The following SYT4 variants were observed in gnomAD, a reference collection of about 807,000 sequenced individuals.
The protein encoded by SYT4 is synaptotagmin 4.
In SYT4, 7 loss-of-function variants were observed where a neutral mutation model predicts 32.9. The observed-to-expected ratio is 0.21, with a 90% CI of 0.12 to 0.40. The LOEUF (loss-of-function observed/expected upper bound fraction) is 0.40. Among genes scored for constraint, SYT4 ranks in the 10% least tolerant of loss-of-function variants. SYT4 has a pLI of 1.00. For synonymous variants in SYT4, 205 were observed against 186.2 expected, an observed-to-expected ratio of 1.10 and a Z score of -0.82; for missense variants, 480 against 488.0, an observed-to-expected ratio of 0.98 and a Z score of 0.16.
At chr18:43,273,501 A>G in intron 2 of SYT4, 79 bp downstream of exon 2, 1 of 916,184 alleles carries the variant, frequency 1.1e-6, no homozygotes, top group East Asian at 2.6e-5. Flanking sequence ...AGCTTATCAT[A>G]TTAATAAAAA....
Position 43,274,354 on chromosome 18 carries a change from G to A in SYT4, c.75C>T (p.Gly25=), listed in dbSNP as rs200874065. 3.9e-5 allele frequency: 62 copies of A among 1,609,552 alleles called. No individual in the cohort carries two copies. Among genetic ancestry groups the A allele is most frequent in the African/African-American group, 6.7e-5 (5 of 74,746 alleles). ...PTVVGIFSAF[G]LVFTVSLFAW... ...CAAAGAGAGAGACTGTGAAGACCAGGCCAAATGCACTGAAGATCCCCACCA... is the reference window on the plus strand; with the variant it reads ...CAAAGAGAGAGACTGTGAAGACCAGACCAAATGCACTGAAGATCCCCACCA... The change falls in exon 2 of 4, where the codon GGC becomes GGT. Residue 25 remains glycine, a synonymous_variant. Coordinates refer to ENST00000255224, the MANE Select transcript of SYT4 (RefSeq NM_020783.4).
chr18:43,273,261 C>A (rs1024384941), intron 2 of SYT4, among the ~76,000 whole-genome samples: 2 of 151,956 alleles, frequency 1.3e-5, no homozygotes, highest in East Asian at 3.9e-4. Context: ...GAAATATTCA[C>A]CTGTATTTTA....
chr18:43,277,322 T>C lies in SYT4; in HGVS notation c.-41A>G, dbSNP rs778440628. On this transcript the variant is annotated 5_prime_UTR_variant, in exon 1 of 4. Coordinates refer to ENST00000255224, the MANE Select transcript of SYT4 (RefSeq NM_020783.4). The stretch of plus-strand genomic sequence containing the variant: ...CTGTCCGAGGTGCTGAAGGGAAAAC[T>C]GCCTGGCTGGATTCACTTGCCTGGA... 1.9e-6 allele frequency: 3 copies of C among 1,613,452 alleles called. No homozygotes were observed. Among genetic ancestry groups the C allele is most frequent in the Non-Finnish European group, 2.5e-6 (3 of 1,179,474 alleles).
rs1324836634 is a variant in SYT4, at chr18:43,270,078, A to C, written c.*263T>G. 2 of 440,676 alleles carry C rather than the reference A, an allele frequency of 4.5e-6. No individual in the cohort carries two copies. Among genetic ancestry groups the C allele is most frequent in the Non-Finnish European group, 8.1e-6 (2 of 247,594 alleles). 27.3% of individuals were successfully genotyped at this position (440,676 alleles called of 1,614,324 possible). ...TGGCACAGTATTCATAAAATGTCTG[A>C]CTATTCCTAGTTATATCACTGGTAA... On this transcript the variant is annotated 3_prime_UTR_variant, in exon 4 of 4. Transcript: ENST00000255224.
chr18:43,276,013 T>C (rs886349642), intron 1 of SYT4, among the ~76,000 whole-genome samples: 12 of 152,158 alleles, frequency 7.9e-5, no homozygotes, highest in African/African-American at 2.4e-4. Flanking sequence ...TAGAAAATCA[T>C]TTTTTAAAAG....
Position 43,273,943 on chromosome 18 carries a change from T to C in SYT4, c.486A>G (p.Glu162=). 1 of 1,614,024 alleles carries C rather than the reference T, an allele frequency of 6.2e-7. No homozygotes were observed. The highest frequency in any genetic ancestry group is 8.5e-7 in the Non-Finnish European group (1 of 1,179,938). ...EKLGTLFFSL[E]YNFERKAFVV... ...CAAATGCTTTTCTCTCGAAGTTGTA[T>C]TCTAAGGAGAAGAAGAGAGTTCCCA... The change falls in exon 2 of 4, where the codon GAA becomes GAG. Residue 162 remains glutamate, a synonymous_variant. Coordinates refer to ENST00000255224, the MANE Select transcript of SYT4 (RefSeq NM_020783.4).
chr18:43,276,969 T>G (rs1325119189), intron 1 of SYT4, among the ~76,000 whole-genome samples: 1 of 152,294 alleles, frequency 6.6e-6, no homozygotes, highest in East Asian at 1.9e-4. Flanking sequence ...TTTTCTTTAC[T>G]CAGTACATGC....
intron 1 of SYT4, among the ~76,000 whole-genome samples, chr18:43,276,739 G>T (rs923895600): frequency 3.9e-5 from 6 of 152,020 alleles, no homozygotes; most frequent in Admixed American, 6.6e-5. Flanking sequence ...CATATTTCAA[G>T]GATACAAGAA....
chr18:43,271,849 G>A lies in SYT4; in HGVS notation c.850-17C>T, dbSNP rs1158169432. The A allele has an allele frequency of 1.9e-6, 3 of 1,606,802 alleles. No individual in the cohort carries two copies. The highest frequency in any genetic ancestry group is 2.2e-5 in the East Asian group (1 of 44,638). On this transcript the variant is annotated splice_polypyrimidine_tract_variant and intron_variant, in intron 2 of 3. Transcript: ENST00000255224. Reference sequence around the variant, plus strand: ...TGAAGACTTCTGCAGAAAGAGAAATGTGATATAAGTATTTCTATCTTTTTA... The same window carrying A: ...TGAAGACTTCTGCAGAAAGAGAAATATGATATAAGTATTTCTATCTTTTTA...
chr18:43,270,280 A>G lies in SYT4; in HGVS notation c.*61T>C, dbSNP rs986650041. ...TCCCAAGCTTGCAATCCAATATAGA[A>G]AGAAAGAAAATTTCTCCTTGCCTAG... is the stretch of plus-strand genomic sequence containing the variant. On this transcript the variant is annotated 3_prime_UTR_variant, in exon 4 of 4. Transcript: ENST00000255224. 1 of 1,548,258 alleles carries G rather than the reference A, an allele frequency of 6.5e-7. No homozygotes were observed. The highest frequency in any genetic ancestry group is 8.7e-7 in the Non-Finnish European group (1 of 1,143,796).
At chr18:43,275,213 C>T (rs2144369287) in intron 1 of SYT4, among the ~76,000 whole-genome samples, 1 of 152,186 alleles carries the variant, frequency 6.6e-6, no homozygotes, top group South Asian at 2.1e-4. Flanking sequence ...ACTGTCTCTT[C>T]CTCTAGCACA....
chr18:43,275,666 G>A (rs578092561), intron 1 of SYT4, among the ~76,000 whole-genome samples: 65 of 152,072 alleles, frequency 4.3e-4, no homozygotes, highest in Middle Eastern at 6.8e-3. Flanking sequence ...AGAATGTAAG[G>A]TTAAGAAAAG....
rs112251857 is a variant in SYT4, at chr18:43,273,746, A to G, written c.683T>C (p.Ile228Thr). ...CAATTCTTGGATTTGGGTGTAGGGT[A>G]TCCCATAGAATGTAAAGGTCTCATC... The part of the protein sequence containing the change: ...AFDETFTFYG[I>T]PYTQIQELAL... The change falls in exon 2 of 4, where the codon ATA becomes ACA. Residue 228 changes from isoleucine (I) to threonine (T), a missense_variant. Transcript: ENST00000255224. 1 of 1,614,050 alleles carries G rather than the reference A, an allele frequency of 6.2e-7. No individual in the cohort carries two copies. Among genetic ancestry groups the G allele is most frequent in the African/African-American group, 1.3e-5 (1 of 75,052 alleles).
rs747653584 is a variant in SYT4, at chr18:43,273,986, T to G, written c.443A>C (p.Glu148Ala). 6.2e-7 allele frequency: 1 copy of G among 1,613,980 alleles called. No individual in the cohort carries two copies. The highest frequency in any genetic ancestry group is 1.1e-5 in the South Asian group (1 of 91,070). ...SLKSSTSLTS[E>A]EKQEKLGTLF... ...AGTTCCCAGCTTCTCTTGTTTCTCT[T>G]CTGAAGTAAGGGAAGTGCTGGACTT... Residue 148 changes from glutamate (E) to alanine (A), a missense_variant, in exon 2 of 4, where the codon GAA becomes GCA. By Grantham distance (107) the Glu-to-Ala change is moderately radical (BLOSUM62 -1). Coordinates refer to ENST00000255224, the MANE Select transcript of SYT4 (RefSeq NM_020783.4).
At chr18:43,276,470 G>A (rs886075388) in intron 1 of SYT4, among the ~76,000 whole-genome samples, 38 of 152,172 alleles carry the variant, frequency 2.5e-4, no homozygotes, top group African/African-American at 8.7e-4. Flanking sequence ...TCTAAAAATA[G>A]TACTTTTTTA....
rs926815155 is a variant in SYT4 at position 43,274,144 on chromosome 18, A to T, written c.285T>A (p.Asp95Glu). The T allele has an allele frequency of 3.1e-6, 5 of 1,614,082 alleles. No individual in the cohort carries two copies. In the South Asian group the frequency reaches 3.3e-5, roughly 11 times the overall value. Residue 95 changes from aspartate (D) to glutamate (E), a missense_variant, in exon 2 of 4, where the codon GAT (aspartate) becomes GAA (glutamate). Transcript: ENST00000255224. ...TGCCATTGAGATCTCTCTTTTCAAG[A>T]TCCAGATGCAATGAATTCTTTGGCA... ...PAVPKNSLHLDLEKRDLNGNF... is the reference protein window; with the variant it reads ...PAVPKNSLHLELEKRDLNGNF...
In SYT4 at chr18:43,273,703, A is replaced by C; in HGVS notation, c.726T>G (p.Ile242Met). 6.2e-7 allele frequency: 1 copy of C among 1,614,022 alleles called. No homozygotes were observed. Among genetic ancestry groups the C allele is most frequent in the Non-Finnish European group, 8.5e-7 (1 of 1,179,924 alleles). Reference protein sequence around the residue: ...QIQELALHFTILSFDRFSRDD... With the variant: ...QIQELALHFTMLSFDRFSRDD... ...CTCTTGAAAACCTGTCAAAACTCAA[A>C]ATTGTGAAGTGCAAGGCCAATTCTT... The change falls in exon 2 of 4, where the codon ATT becomes ATG. Residue 242 changes from isoleucine (I) to methionine (M), a missense_variant. Physicochemically the swap from Ile to Met is conservative, Grantham distance 10. Coordinates refer to ENST00000255224, the MANE Select transcript of SYT4 (RefSeq NM_020783.4).
intron 2 of SYT4, among the ~76,000 whole-genome samples, chr18:43,272,673 T>G (rs1054413816): frequency 2.6e-5 from 4 of 152,138 alleles, no homozygotes; most frequent in Non-Finnish European, 5.9e-5. Context: ...GACAGCTGTA[T>G]AAGTAGGCAC....
Position 43,271,791 on chromosome 18 carries a change from A to G in SYT4, c.891T>C (p.Tyr297=). The G allele has an allele frequency of 6.2e-7, 1 of 1,613,256 alleles. No individual in the cohort carries two copies. The highest frequency in any genetic ancestry group is 8.5e-7 in the Non-Finnish European group (1 of 1,179,306). Reference sequence around the variant, plus strand: ...CAGTTAGAGTGTTTGTGGTGGACTGATAGCAGAGAGAGATCAGTAACTCAC... The same window carrying G: ...CAGTTAGAGTGTTTGTGGTGGACTGGTAGCAGAGAGAGATCAGTAACTCAC... ...GRGELLISLC[Y]QSTTNTLTVV... is the part of the protein sequence containing the mutation. Residue 297 remains tyrosine (Y), a synonymous_variant, in exon 3 of 4, where the codon TAT becomes TAC. Transcript: ENST00000255224.
Sources: gnomAD v4.1 joint callset for allele counts (sites outside exome capture counted in the v4.1 genomes callset) on GRCh38, gnomAD v4.1.1 for gene constraint, MANE v1.5 for transcripts, NCBI Gene and HGNC (gene_info 2026-07-23, HGNC 2026-07-21) for gene names.